The following DNAH7 variants were observed in gnomAD, a reference collection of about 807,000 sequenced individuals.
DNAH7 encodes the protein dynein axonemal heavy chain 7, also known as axonemal beta dynein heavy chain 7.
In DNAH7, 397 loss-of-function variants were observed where a neutral mutation model predicts 444.6. The ratio of observed to expected loss-of-function variants is 0.89; its 90% CI spans 0.82 to 0.97. DNAH7 has a LOEUF of 0.97. Ranked by LOEUF, DNAH7 falls within the 50% of genes least tolerant of loss-of-function variation. The probability of loss-of-function intolerance (pLI) is 0.00; values close to 1 mark genes in which losing one functional copy is unlikely to be tolerated. For missense variants in DNAH7, 4,902 were observed against 4,800.8 expected, an observed-to-expected ratio of 1.02 and a Z score of -0.62; for synonymous variants, 1,636 against 1,624.4, an observed-to-expected ratio of 1.01 and a Z score of -0.17.
chr2:195,787,090 A>G lies in DNAH7; in HGVS notation c.10798T>C (p.Trp3600Arg). The G allele has an allele frequency of 8.7e-6, 14 of 1,612,670 alleles. No homozygotes were observed. The highest frequency in any genetic ancestry group is 1.2e-5 in the Non-Finnish European group (14 of 1,179,626). ...TCATTGAACTCATAAGGAATATTCC[A>G]CCCTAGGGGTCCAAATTTCCGTCTT... ...QERRKFGPLGWNIPYEFNETD... is the reference protein window; with the variant it reads ...QERRKFGPLGRNIPYEFNETD... Residue 3600 changes from tryptophan to arginine, a missense_variant, in exon 58 of 65, where the codon TGG becomes CGG. Physicochemically the swap from Trp to Arg is moderately radical, Grantham distance 101. Transcript: ENST00000312428.
chr2:195,969,336 A>G (rs142542264), intron 17 of DNAH7, among the ~76,000 whole-genome samples: 4 of 152,342 alleles, frequency 2.6e-5, no homozygotes, highest in South Asian at 4.1e-4. Context: ...AGATCTTTCA[A>G]TGTAAGAAAA....
At chr2:195,787,984 G>T (rs990132520) in intron 57 of DNAH7, among the ~76,000 whole-genome samples, 3 of 152,208 alleles carry the variant, frequency 2.0e-5, no homozygotes, top group Non-Finnish European at 4.4e-5. Flanking sequence ...TATGAAGGGA[G>T]TGCTGGAGAA....
At chr2:195,824,592 A>C (rs1189999705) in intron 48 of DNAH7, 147 bp from the exon 49 acceptor site, 1 of 716,448 alleles carries the variant, frequency 1.4e-6, no homozygotes, top group African/African-American at 1.8e-5. Flanking sequence ...TGAAAAGTAT[A>C]AAGAAATAAT....
chr2:195,895,365 C>T (rs192359288), intron 29 of DNAH7, 141 bp from the exon 30 acceptor site: 20 of 528,780 alleles, frequency 3.8e-5, no homozygotes, highest in South Asian at 3.1e-4. Flanking sequence ...AGTTCACATA[C>T]GCAAACGTGT....
Position 195,777,962 on chromosome 2 carries a change from C to A in DNAH7, c.10902G>T (p.Arg3634=). The A allele has an allele frequency of 6.2e-7, 1 of 1,613,464 alleles. No individual in the cohort carries two copies. The highest frequency in any genetic ancestry group is 8.5e-7 in the Non-Finnish European group (1 of 1,179,546). ...QYEELPYEAL[R]YMTGECNYGG... is the part of the protein sequence containing the mutation. ...CGTAATTGCATTCGCCAGTCATGTA[C>A]CGCAGAGCCTCATACGGCAGTTCCT... Residue 3634 remains arginine, a synonymous_variant, in exon 59 of 65, where the codon CGG becomes CGT. Transcript: ENST00000312428.
chr2:195,820,575 T>C (rs1205147242), intron 49 of DNAH7, among the ~76,000 whole-genome samples: 1 of 152,172 alleles, frequency 6.6e-6, no homozygotes, highest in Non-Finnish European at 1.5e-5. Flanking sequence ...GATTTCATCA[T>C]TTCCCTAATG....
chr2:196,044,203 ATG>A (rs367981308), intron 5 of DNAH7, among the ~76,000 whole-genome samples: 109 of 147,060 alleles, frequency 7.4e-4, no homozygotes, highest in Non-Finnish European at 1.1e-3. Context: ...ATATATATAT[ATG>A]TGTGTGTGTG....
chr2:196,029,993 A>C (rs1695946274), intron 5 of DNAH7, among the ~76,000 whole-genome samples: 2 of 152,230 alleles, frequency 1.3e-5, no homozygotes, highest in African/African-American at 2.4e-5. Flanking sequence ...AAGAAACTAG[A>C]AGAAAAGTCA....
Position 195,864,706 on chromosome 2 carries a change from G to A in DNAH7, c.6949C>T (p.Arg2317Ter), listed in dbSNP as rs115474479. 3.2e-4 allele frequency: 511 copies of A among 1,614,130 alleles called. No individual in the cohort carries two copies. Among genetic ancestry groups the A allele is most frequent in the Non-Finnish European group, 4.1e-4 (480 of 1,180,006 alleles). The change falls in exon 41 of 65, where the codon CGA becomes TGA. Residue 2317 changes from arginine to a stop codon, truncating the protein, a stop_gained. Coordinates refer to ENST00000312428, the MANE Select transcript of DNAH7 (RefSeq NM_018897.3). LOFTEE classifies it high-confidence loss of function. ...CTGCTGATGTGCTCTATGGCAAATCGAAACAAGACAAGGTTCATGGGTTTT... is the reference window on the plus strand; with the variant it reads ...CTGCTGATGTGCTCTATGGCAAATCAAAACAAGACAAGGTTCATGGGTTTT... ...SKKPMNLVLF[R>*]FAIEHISRIS...
chr2:195,825,271 G>GAA (rs11434852), intron 48 of DNAH7, among the ~76,000 whole-genome samples: 131 of 146,510 alleles, frequency 8.9e-4, no homozygotes, highest in Admixed American at 1.2e-3. Flanking sequence ...CATAAATAAG[G>GAA]AAAAAAAAAA....
At position 196,064,347 on chromosome 2, in the gene DNAH7, A is replaced by T. The variant is rs6717704; in HGVS notation, c.15+4350T>A. ...AATAAATAAATAAATAAATAAATAA[A>T]TAATAAATAATAAATAAATAATAAA... On this transcript the variant is annotated intron_variant, in intron 1 of 64. Transcript: ENST00000312428. Among the ~76,000 whole-genome samples the T allele has an allele frequency of 8.5e-3, 274 of 32,262 alleles. 7 individuals carry two copies. In the East Asian group the frequency reaches 0.19, roughly 22 times the overall value. 21.2% of individuals were successfully genotyped at this position (32,262 alleles called of 152,430 possible).
chr2:195,878,484 C>T (rs1701184903), intron 36 of DNAH7, among the ~76,000 whole-genome samples: 1 of 152,008 alleles, frequency 6.6e-6, no homozygotes, highest in African/African-American at 2.4e-5. Context: ...CCTGTAGTCC[C>T]AGCTACTTGG....
chr2:196,021,510 G>A (rs781350070), intron 8 of DNAH7, among the ~76,000 whole-genome samples: 40 of 152,002 alleles, frequency 2.6e-4, no homozygotes, highest in Non-Finnish European at 5.1e-4. Flanking sequence ...AGCAGGCAAT[G>A]GCATTATATC....
chr2:196,033,082 A>C (rs1215753787), intron 5 of DNAH7, among the ~76,000 whole-genome samples: 10 of 152,176 alleles, frequency 6.6e-5, no homozygotes, highest in Admixed American at 6.5e-4. Context: ...CTCTCAACAA[A>C]TTTGGAAAGG....
chr2:195,976,750 A>AGAGAGAGAGC (rs1692221202), intron 15 of DNAH7, among the ~76,000 whole-genome samples: 1 of 95,386 alleles, frequency 1.0e-5, no homozygotes, highest in African/African-American at 7.2e-5. Context: ...AGGCAGACAG[A>AGAGAGAGAGC]GAGAGAGAGA....
intron 21 of DNAH7, among the ~76,000 whole-genome samples, chr2:195,931,868 C>T (rs2125395019): frequency 1.3e-5 from 2 of 152,254 alleles, no homozygotes; most frequent in Middle Eastern, 6.8e-3. Flanking sequence ...ATGCCTCCAG[C>T]TTTGTTCTTT....
intron 27 of DNAH7, chr2:195,905,277 G>C (rs1687373310): frequency 6.6e-6 from 1 of 152,080 alleles, no homozygotes; most frequent in Non-Finnish European, 1.5e-5. Context: ...TACAAGAACT[G>C]CAACAACAAC....
In DNAH7 at chr2:195,866,855, T is replaced by C. The variant is rs114414984; in HGVS notation, c.6634-1834A>G. Among the ~76,000 whole-genome samples, 500 of 152,276 alleles carry C rather than the reference T, an allele frequency of 3.3e-3. 2 individuals carry two copies. The highest frequency in any genetic ancestry group is 5.0e-3 in the Non-Finnish European group (338 of 68,014). On this transcript the variant is annotated intron_variant, in intron 40 of 64. Coordinates refer to ENST00000312428, the MANE Select transcript of DNAH7 (RefSeq NM_018897.3). ...GTGGGAGGAACCTGGTGGGAGGCAA[T>C]TGAATCATGGGGTGGGTCTTTCCCG...
intron 21 of DNAH7, among the ~76,000 whole-genome samples, chr2:195,930,054 T>C (rs1014175433): frequency 6.6e-6 from 1 of 152,124 alleles, no homozygotes; most frequent in Non-Finnish European, 1.5e-5. Flanking sequence ...AATTAAAAAA[T>C]GAGCAGCAGG....
Sources: allele counts gnomAD v4.1 joint callset (sites outside exome capture counted in the v4.1 genomes callset), GRCh38; gene constraint gnomAD v4.1.1; transcripts MANE v1.5; gene names NCBI Gene and HGNC (gene_info 2026-07-23, HGNC 2026-07-21).